The following SGCZ variants were observed in gnomAD, a reference collection of about 807,000 sequenced individuals.
The protein encoded by SGCZ is zeta-sarcoglycan.
Under a neutral mutation model 41.3 loss-of-function variants are expected in SGCZ, and 40 were observed. That is an observed-to-expected ratio of 0.97 (90% CI 0.75 to 1.26). SGCZ has a LOEUF of 1.26. Among genes scored for constraint, SGCZ ranks in the 50% most tolerant of loss-of-function variants. The probability of loss-of-function intolerance (pLI) is 0.00; values close to 1 mark genes in which losing one functional copy is unlikely to be tolerated. For synonymous variants in SGCZ, 206 were observed against 137.5 expected (o/e 1.50, Z -3.49); for missense variants, 552 against 369.8 (o/e 1.49, Z -4.04).
intron 1 of SGCZ, among the ~76,000 whole-genome samples, chr8:14,811,179 C>G (rs1041436065): frequency 2.6e-5 from 4 of 151,982 alleles, no homozygotes; most frequent in Non-Finnish European, 5.9e-5. Flanking sequence ...TCATCATAAA[C>G]TTAGATTTCA....
chr8:14,384,067 A>C (rs898434554), intron 2 of SGCZ, among the ~76,000 whole-genome samples: 1 of 151,676 alleles, frequency 6.6e-6, no homozygotes, highest in Non-Finnish European at 1.5e-5. Flanking sequence ...TGCACCCATT[A>C]ACTCGTCATT....
chr8:14,817,259 G>C (rs1215413851), intron 1 of SGCZ, among the ~76,000 whole-genome samples: 1 of 152,044 alleles, frequency 6.6e-6, no homozygotes, highest in African/African-American at 2.4e-5. Flanking sequence ...CACCTAACAG[G>C]ATCAGCTCAG....
At chr8:14,122,869 A>T (rs1342481962) in intron 5 of SGCZ, among the ~76,000 whole-genome samples, 1 of 152,186 alleles carries the variant, frequency 6.6e-6, no homozygotes, top group Non-Finnish European at 1.5e-5. Flanking sequence ...TATTTTCTTT[A>T]AAAAGTGAGC....
chr8:14,198,545 T>A (rs57609697), intron 4 of SGCZ, among the ~76,000 whole-genome samples: 294 of 151,790 alleles, frequency 1.9e-3, no homozygotes, highest in Non-Finnish European at 3.4e-3. Flanking sequence ...CAGTATCATG[T>A]AATATACCTC....
intron 1 of SGCZ, among the ~76,000 whole-genome samples, chr8:14,757,250 T>A (rs1297389346): frequency 1.3e-5 from 2 of 152,190 alleles, no homozygotes; most frequent in Non-Finnish European, 2.9e-5. Flanking sequence ...GGTTTCACTA[T>A]GTTGGCCAGG....
At chr8:14,350,275 C>T (rs1803041843) in intron 2 of SGCZ, among the ~76,000 whole-genome samples, 1 of 150,668 alleles carries the variant, frequency 6.6e-6, no homozygotes, top group South Asian at 2.1e-4. Flanking sequence ...TATGCTTTTT[C>T]AAGTCCTGAA....
At chr8:15,181,297 CT>C (rs79206580) in intron 1 of SGCZ, among the ~76,000 whole-genome samples, 4,149 of 152,024 alleles carry the variant, frequency 0.027, 147 homozygotes, top group East Asian at 0.082. Flanking sequence ...CGCTCTTCAC[CT>C]TTTTTTCTAC....
chr8:14,265,578 T>A (rs1293001312), intron 3 of SGCZ, among the ~76,000 whole-genome samples: 2 of 152,102 alleles, frequency 1.3e-5, no homozygotes, highest in Non-Finnish European at 2.9e-5. Context: ...TATTTTCATA[T>A]CGCAAATCAG....
At chr8:14,239,668 C>T (rs982409383) in intron 3 of SGCZ, among the ~76,000 whole-genome samples, 4 of 151,382 alleles carry the variant, frequency 2.6e-5, no homozygotes, top group African/African-American at 7.3e-5. Context: ...TTTGGGAGGC[C>T]GAGGCGGGCG....
chr8:14,197,696 C>G (rs186356998), intron 4 of SGCZ, among the ~76,000 whole-genome samples: 31 of 152,122 alleles, frequency 2.0e-4, no homozygotes, highest in Non-Finnish European at 3.1e-4. Flanking sequence ...AATCCTAAAT[C>G]TAACATCATA....
chr8:14,341,825 T>G (rs1417498739), intron 2 of SGCZ, among the ~76,000 whole-genome samples: 1 of 152,190 alleles, frequency 6.6e-6, no homozygotes, highest in African/African-American at 2.4e-5. Context: ...GAAGTGCCCT[T>G]CAGCTCCCGC....
At chr8:14,240,129 C>A (rs1240311002) in intron 3 of SGCZ, among the ~76,000 whole-genome samples, 1 of 151,474 alleles carries the variant, frequency 6.6e-6, no homozygotes, top group Non-Finnish European at 1.5e-5. Flanking sequence ...GAGTTTGAAA[C>A]CAGCCTGGCC....
chr8:14,628,826 A>C (rs1806548946), intron 1 of SGCZ, among the ~76,000 whole-genome samples: 1 of 152,142 alleles, frequency 6.6e-6, no homozygotes, highest in African/African-American at 2.4e-5. Context: ...AAGTATATTT[A>C]AATCTTTCCT....
chr8:14,607,023 T>G (rs1035532467), intron 1 of SGCZ, among the ~76,000 whole-genome samples: 19 of 152,174 alleles, frequency 1.2e-4, no homozygotes, highest in South Asian at 4.1e-4. Context: ...GGCAGCATAC[T>G]GAAATGAGAA....
chr8:14,119,542 A>T (rs1460228233), intron 5 of SGCZ, among the ~76,000 whole-genome samples: 1 of 152,018 alleles, frequency 6.6e-6, no homozygotes, highest in East Asian at 1.9e-4. Flanking sequence ...ATTTAAATAC[A>T]CATTCTTTCT....
At chr8:14,999,086 G>A (rs1438564370) in intron 1 of SGCZ, among the ~76,000 whole-genome samples, 1 of 152,154 alleles carries the variant, frequency 6.6e-6, no homozygotes, top group Non-Finnish European at 1.5e-5. Flanking sequence ...CCTTTAGGGT[G>A]TTATCTCTTA....
rs1808121737 is a variant in SGCZ, at chr8:14,672,079, A to G, written c.40-117153T>C. Among the ~76,000 whole-genome samples the G allele has an allele frequency of 2.0e-5, 3 of 152,296 alleles. No individual in the cohort carries two copies. In the South Asian group the frequency reaches 6.2e-4, roughly 32 times the overall value. On this transcript the variant is annotated intron_variant, in intron 1 of 7. Coordinates refer to ENST00000382080, the MANE Select transcript of SGCZ (RefSeq NM_139167.4). ...TATTAGGACTCATTTCATTTAGGAA[A>G]TAGAGGAAGAGTACTGAAAATAAAT...
chr8:15,214,131 A>G (rs1801323611), intron 1 of SGCZ, among the ~76,000 whole-genome samples: 1 of 152,184 alleles, frequency 6.6e-6, no homozygotes, highest in Admixed American at 6.5e-5. Flanking sequence ...GTGAAAAAAA[A>G]CATCAATTTT....
At chr8:14,549,287 G>T (rs149237044) in intron 2 of SGCZ, among the ~76,000 whole-genome samples, 1 of 151,912 alleles carries the variant, frequency 6.6e-6, no homozygotes, top group Admixed American at 6.6e-5. Flanking sequence ...AAGTGCTTTC[G>T]GATTCGGACA....
Sources: gnomAD v4.1 joint callset for allele counts (sites outside exome capture counted in the v4.1 genomes callset) on GRCh38, gnomAD v4.1.1 for gene constraint, MANE v1.5 for transcripts, NCBI Gene and HGNC (gene_info 2026-07-23, HGNC 2026-07-21) for gene names.